FAM174A: variants seen among roughly 807,000 people sequenced by gnomAD.
FAM174A encodes family with sequence similarity 174 member A.
A neutral mutation model predicts 14.3 loss-of-function variants in FAM174A; 14 were observed. The ratio of observed to expected loss-of-function variants is 0.98; its 90% CI spans 0.65 to 1.53. FAM174A has a LOEUF of 1.53. FAM174A is among the 40% of genes most tolerant of loss of function. FAM174A has a pLI of 0.00. For missense variants in FAM174A, 241 were observed against 249.6 expected (o/e 0.97, Z 0.23); for synonymous variants, 108 against 111.4 (o/e 0.97, Z 0.19).
chr5:100,563,521 A>G (rs1746573107), intron 2 of FAM174A, among the ~76,000 whole-genome samples: 1 of 151,928 alleles, frequency 6.6e-6, no homozygotes, highest in South Asian at 2.1e-4. Context: ...TGAAGTAGGA[A>G]ATTGACAGCC....
At chr5:100,574,063 A>G (rs1026958030) in intron 2 of FAM174A, among the ~76,000 whole-genome samples, 1 of 152,266 alleles carries the variant, frequency 6.6e-6, no homozygotes, top group African/African-American at 2.4e-5. Context: ...ACAGTCATGT[A>G]TAAACCAATC....
chr5:100,560,222 C>T (rs1746494793), intron 1 of FAM174A, among the ~76,000 whole-genome samples: 1 of 152,100 alleles, frequency 6.6e-6, no homozygotes, highest in African/African-American at 2.4e-5. Context: ...ACTCCAGACC[C>T]TGTTTGCCTG....
intron 1 of FAM174A, among the ~76,000 whole-genome samples, chr5:100,539,392 G>C (rs1341613362): frequency 6.6e-6 from 1 of 152,052 alleles, no homozygotes; most frequent in Non-Finnish European, 1.5e-5. Flanking sequence ...ATATTATATA[G>C]GAAATAAAGA....
chr5:100,559,305 C>T (rs1425762256), intron 1 of FAM174A, among the ~76,000 whole-genome samples: 7 of 152,150 alleles, frequency 4.6e-5, no homozygotes, highest in Admixed American at 4.6e-4. Context: ...GCCAAGAGAT[C>T]AGCTGTTAGT....
rs987460355 is a variant in FAM174A, at chr5:100,566,151, T to G, written c.569+3963T>G. On this transcript the variant is annotated intron_variant, in intron 2 of 2. Coordinates refer to ENST00000312637, the MANE Select transcript of FAM174A (RefSeq NM_198507.3). ...GAATTTGAAAAGTATGATATATATA[T>G]ATATATATATATATATATATGTACA... is the stretch of plus-strand genomic sequence containing the variant. Among the ~76,000 whole-genome samples, 4 of 119,998 alleles carry G rather than the reference T, an allele frequency of 3.3e-5. 1 individual carries two copies. The highest frequency in any genetic ancestry group is 3.8e-3 in the Middle Eastern group (1 of 260). The allele number at this position is 119,998 out of a possible 152,430, so 78.7% of individuals were successfully genotyped here. A position where few individuals can be genotyped will look rare whatever the true frequency, so the allele number is the denominator to read the frequency against.
chr5:100,572,716 G>A (rs1457488384), intron 2 of FAM174A, among the ~76,000 whole-genome samples: 5 of 152,062 alleles, frequency 3.3e-5, no homozygotes, highest in African/African-American at 1.2e-4. Flanking sequence ...AAACATACAT[G>A]TGCACGTGTC....
chr5:100,553,624 T>A (rs1329247522), intron 1 of FAM174A, among the ~76,000 whole-genome samples: 1 of 152,164 alleles, frequency 6.6e-6, no homozygotes, highest in Non-Finnish European at 1.5e-5. Context: ...AGATTTGAAC[T>A]GCATCACCCA....
Position 100,535,691 on chromosome 5 carries a change from C to T in FAM174A, c.161C>T (p.Pro54Leu). ...GPPDPRPRTL[P>L]PLPPGPTPAQ... ...CCTGACCCTAGACCACGGACATTAC[C>T]GCCGCTGCCACCGGGCCCTACCCCT... The change falls in exon 1 of 3, where the codon CCG becomes CTG. Residue 54 changes from proline (P) to leucine (L), a missense_variant. Pro to Leu is a moderately conservative substitution (Grantham distance 98). Coordinates refer to ENST00000312637, the MANE Select transcript of FAM174A (RefSeq NM_198507.3). 6.2e-7 allele frequency: 1 copy of T among 1,609,342 alleles called. No homozygotes were observed. Among genetic ancestry groups the T allele is most frequent in the Non-Finnish European group, 8.5e-7 (1 of 1,178,828 alleles).
chr5:100,566,576 T>C (rs1218622106), intron 2 of FAM174A, among the ~76,000 whole-genome samples: 1 of 151,656 alleles, frequency 6.6e-6, no homozygotes, highest in Non-Finnish European at 1.5e-5. Context: ...GCTAGGAGGG[T>C]AGATGTTAAG....
intron 1 of FAM174A, among the ~76,000 whole-genome samples, chr5:100,560,397 G>A (rs935947434): frequency 6.6e-6 from 1 of 152,044 alleles, no homozygotes; most frequent in African/African-American, 2.4e-5. Context: ...ATTTTTGCTA[G>A]TACTAATATT....
At chr5:100,582,080 A>G (rs1747028589) in intron 2 of FAM174A, among the ~76,000 whole-genome samples, 1 of 152,202 alleles carries the variant, frequency 6.6e-6, no homozygotes, top group African/African-American at 2.4e-5. Flanking sequence ...ATTAGGTTCT[A>G]GTAATTTTGT....
At chr5:100,542,398 T>C (rs1042070200) in intron 1 of FAM174A, among the ~76,000 whole-genome samples, 2 of 152,226 alleles carry the variant, frequency 1.3e-5, no homozygotes, top group African/African-American at 4.8e-5. Flanking sequence ...AGTCATCCCA[T>C]GTCTCTCTTT....
At position 100,545,007 on chromosome 5, in the gene FAM174A, T is replaced by G. The variant is rs2112367738; in HGVS notation, c.434+9043T>G. On this transcript the variant is annotated intron_variant, in intron 1 of 2. Coordinates refer to ENST00000312637, the MANE Select transcript of FAM174A (RefSeq NM_198507.3). ...GCAAGCGTCTATTCTGACTAGATGG[T>G]CCTTATGCCCTGCCAGTTGTTAAAT... Among the ~76,000 whole-genome samples the G allele has an allele frequency of 2.6e-5, 4 of 152,330 alleles. No homozygotes were observed. The South Asian group carries it at 8.3e-4, about 32-fold the overall frequency.
chr5:100,573,881 T>C (rs978287660), intron 2 of FAM174A, among the ~76,000 whole-genome samples: 1 of 151,580 alleles, frequency 6.6e-6, no homozygotes, highest in Non-Finnish European at 1.5e-5. Flanking sequence ...AACAGAGATA[T>C]AGATCAATGG....
chr5:100,549,062 T>A (rs905986951), intron 1 of FAM174A, among the ~76,000 whole-genome samples: 2 of 152,080 alleles, frequency 1.3e-5, no homozygotes, highest in African/African-American at 4.8e-5. Flanking sequence ...ACCTCTGTGG[T>A]ACCTAACTGC....
chr5:100,544,489 A>C (rs886960088), intron 1 of FAM174A, among the ~76,000 whole-genome samples: 1 of 152,170 alleles, frequency 6.6e-6, no homozygotes, highest in Admixed American at 6.6e-5. Context: ...GGAGAAAGAA[A>C]GATAAAGGAA....
chr5:100,559,335 G>T (rs1746473622), intron 1 of FAM174A, among the ~76,000 whole-genome samples: 1 of 152,064 alleles, frequency 6.6e-6, no homozygotes. Context: ...TTCCCTTTGT[G>T]GGTAACCCGA....
intron 2 of FAM174A, among the ~76,000 whole-genome samples, chr5:100,566,141 G>GATAGATATATAGATAT (rs558236562): frequency 8.6e-5 from 7 of 81,810 alleles, no homozygotes; most frequent in Admixed American, 3.3e-4. Flanking sequence ...TGAAAAGTAT[G>GATAGATATATAGATAT]ATATATATAT....
intron 1 of FAM174A, among the ~76,000 whole-genome samples, chr5:100,548,771 C>T (rs369935039): frequency 4.6e-5 from 7 of 152,142 alleles, no homozygotes; most frequent in African/African-American, 1.4e-4. Flanking sequence ...TATGTGCATG[C>T]GCAGAACATC....
Sources: allele counts gnomAD v4.1 joint callset (sites outside exome capture counted in the v4.1 genomes callset), GRCh38; gene constraint gnomAD v4.1.1; transcripts MANE v1.5; gene names NCBI Gene and HGNC (gene_info 2026-07-23, HGNC 2026-07-21).